SLC9A8: variants seen among roughly 807,000 people sequenced by gnomAD.
SLC9A8 encodes the protein solute carrier family 9 member A8.
A neutral mutation model predicts 66.6 loss-of-function variants in SLC9A8; 48 were observed. The ratio of observed to expected loss-of-function variants is 0.72; its 90% CI spans 0.57 to 0.92. SLC9A8 has a LOEUF of 0.92. Among genes scored for constraint, SLC9A8 ranks in the 40% least tolerant of loss-of-function variants. The pLI, the probability that SLC9A8 is intolerant of heterozygous loss-of-function variation, is 0.00. For synonymous variants in SLC9A8, 274 were observed against 282.6 expected (o/e 0.97, Z 0.31); for missense variants, 599 against 747.3 (o/e 0.80, Z 2.31).
rs1473662228 is a variant in SLC9A8 at position 49,842,058 on chromosome 20, TA to T, written c.348+2460del. On this transcript the variant is annotated intron_variant, in intron 4 of 15. Transcript: ENST00000361573. ...CCTATATATTTATTTTATTTTATTTTATTTTTTTTTTTTTGCTGGGGAGTGG... is the reference window on the plus strand; with the variant it reads ...CCTATATATTTATTTTATTTTATTTTTTTTTTTTTTTTTGCTGGGGAGTGG... Among the ~76,000 whole-genome samples the T allele has an allele frequency of 4.2e-4, 58 of 136,810 alleles. 2 individuals are homozygous for T. The East Asian group carries it at 0.013, about 31-fold the overall frequency. The allele number at this position is 136,810 out of a possible 152,430, so 89.8% of individuals were successfully genotyped here.
intron 3 of SLC9A8, chr20:49,829,665 C>A: frequency 2.1e-6 from 1 of 471,736 alleles, no homozygotes. Flanking sequence ...CAAGGGTAAA[C>A]TATTCCAGCA....
At chr20:49,879,871 A>C (rs769231486) in intron 12 of SLC9A8, among the ~76,000 whole-genome samples, 72 of 152,290 alleles carry the variant, frequency 4.7e-4, no homozygotes, top group Non-Finnish European at 8.4e-4. Context: ...TGTACTGTAC[A>C]TGTCTATATC....
chr20:49,846,266 G>A (rs745768459), intron 5 of SLC9A8, among the ~76,000 whole-genome samples: 1 of 152,198 alleles, frequency 6.6e-6, no homozygotes, highest in East Asian at 1.9e-4. Context: ...AAAATAAAGT[G>A]ATTCAACTTA....
chr20:49,853,178 G>A (rs2088320312), intron 7 of SLC9A8, among the ~76,000 whole-genome samples: 2 of 152,178 alleles, frequency 1.3e-5, no homozygotes, highest in East Asian at 1.9e-4. Context: ...GTGGGCCTGC[G>A]CTTCACTGAG....
intron 2 of SLC9A8, among the ~76,000 whole-genome samples, chr20:49,816,675 C>G (rs1245340920): frequency 2.6e-5 from 4 of 152,050 alleles, no homozygotes; most frequent in Admixed American, 2.6e-4. Flanking sequence ...TGAAACTACA[C>G]AACCACTTTT....
At chr20:49,866,411 G>A (rs1328688497) in intron 10 of SLC9A8, among the ~76,000 whole-genome samples, 2 of 152,196 alleles carry the variant, frequency 1.3e-5, no homozygotes, top group Non-Finnish European at 2.9e-5. Flanking sequence ...CATATGGTAA[G>A]TACATTTTTA....
At chr20:49,815,260 C>T in intron 2 of SLC9A8, 71 bp downstream of exon 2, 2 of 1,295,942 alleles carry the variant, frequency 1.5e-6, no homozygotes, top group Non-Finnish European at 2.1e-6. Flanking sequence ...GTGTTTAACC[C>T]TGTCACTCCT....
intron 2 of SLC9A8, among the ~76,000 whole-genome samples, chr20:49,819,601 G>C (rs1234381518): frequency 2.0e-5 from 3 of 151,814 alleles, no homozygotes; most frequent in Non-Finnish European, 2.9e-5. Context: ...CAGTTCAGCA[G>C]CATCTAGTAC....
intron 11 of SLC9A8, among the ~76,000 whole-genome samples, chr20:49,875,674 C>G (rs1365370118): frequency 3.3e-5 from 5 of 152,094 alleles, no homozygotes; most frequent in African/African-American, 1.2e-4. Flanking sequence ...TCCCTTTAAG[C>G]TGGCCCCCAA....
At chr20:49,877,352 C>A (rs574546449) in intron 11 of SLC9A8, among the ~76,000 whole-genome samples, 56 of 152,202 alleles carry the variant, frequency 3.7e-4, no homozygotes, top group African/African-American at 1.3e-3. Flanking sequence ...TGAGGGCCAT[C>A]ACAGTTTAAG....
At chr20:49,829,981 C>T (rs1357486904) in intron 3 of SLC9A8, 15 of 614,426 alleles carry the variant, frequency 2.4e-5, no homozygotes, top group Middle Eastern at 2.8e-4. Context: ...ATGTCACCAT[C>T]GTGGAGTCCG....
intron 2 of SLC9A8, among the ~76,000 whole-genome samples, chr20:49,821,338 A>G (rs145317654): frequency 6.6e-6 from 1 of 152,148 alleles, no homozygotes; most frequent in Admixed American, 6.5e-5. Flanking sequence ...TTGTCTAGAC[A>G]TTGGGCATGT....
At chr20:49,817,604 G>C (rs1023475930) in intron 2 of SLC9A8, among the ~76,000 whole-genome samples, 1 of 151,948 alleles carries the variant, frequency 6.6e-6, no homozygotes, top group Non-Finnish European at 1.5e-5. Context: ...ACCAGCCTGG[G>C]CAACATAGTG....
At chr20:49,841,438 C>T (rs1568825222) in intron 4 of SLC9A8, among the ~76,000 whole-genome samples, 1 of 151,786 alleles carries the variant, frequency 6.6e-6, no homozygotes, top group African/African-American at 2.4e-5. Context: ...GTCAGAAAAA[C>T]AAGAGGAGCT....
chr20:49,882,950 C>T (rs1266132137), intron 13 of SLC9A8, among the ~76,000 whole-genome samples: 3 of 152,188 alleles, frequency 2.0e-5, no homozygotes, highest in African/African-American at 4.8e-5. Context: ...GTGATGTGAG[C>T]CTCCCCGCTT....
chr20:49,847,907 G>GTTTTTTTTTTT (rs3091810), intron 5 of SLC9A8, among the ~76,000 whole-genome samples: 1 of 115,216 alleles, frequency 8.7e-6, no homozygotes, highest in African/African-American at 3.4e-5. Flanking sequence ...TGATTAATCT[G>GTTTTTTTTTTT]TTTTTTTTTT....
chr20:49,848,825 G>A (rs973178906), intron 5 of SLC9A8, among the ~76,000 whole-genome samples: 1 of 152,202 alleles, frequency 6.6e-6, no homozygotes, highest in Non-Finnish European at 1.5e-5. Context: ...GACTTTGGAT[G>A]TGAAACACAG....
chr20:49,881,246 C>T (rs149900009), intron 13 of SLC9A8, among the ~76,000 whole-genome samples: 2 of 152,250 alleles, frequency 1.3e-5, no homozygotes, highest in East Asian at 1.9e-4. Context: ...AAACAACATG[C>T]CCAGGGTCAC....
intron 5 of SLC9A8, among the ~76,000 whole-genome samples, chr20:49,847,769 C>T (rs2146601386): frequency 6.6e-6 from 1 of 152,102 alleles, no homozygotes; most frequent in Middle Eastern, 3.4e-3. Flanking sequence ...GATAAATTTG[C>T]TTTATGTAGC....
Sources: gnomAD v4.1 joint callset for allele counts (sites outside exome capture counted in the v4.1 genomes callset) on GRCh38, gnomAD v4.1.1 for gene constraint, MANE v1.5 for transcripts, NCBI Gene and HGNC (gene_info 2026-07-23, HGNC 2026-07-21) for gene names.